Variants in PRORP observed in about 807,000 individuals in gnomAD.
PRORP encodes protein only RNase P catalytic subunit, also known as mitochondrial ribonuclease P catalytic subunit.
A neutral mutation model predicts 59.4 loss-of-function variants in PRORP; 51 were observed. The observed-to-expected ratio is 0.86, with a 90% CI of 0.69 to 1.08. The LOEUF is 1.08. PRORP is among the 50% of genes least tolerant of loss of function. PRORP has a pLI of 0.00. For synonymous variants in PRORP, 231 were observed against 245.6 expected, an observed-to-expected ratio of 0.94 and a Z score of 0.55; for missense variants, 646 against 690.3, an observed-to-expected ratio of 0.94 and a Z score of 0.72.
At chr14:35,234,836 G>A (rs772639448) in intron 5 of PRORP, among the ~76,000 whole-genome samples, 2 of 151,558 alleles carry the variant, frequency 1.3e-5, no homozygotes, top group African/African-American at 2.4e-5. Flanking sequence ...ACACCACCAT[G>A]CCCAACTAAT....
chr14:35,148,505 G>C (rs1425765881), intron 4 of PRORP, among the ~76,000 whole-genome samples: 4 of 152,164 alleles, frequency 2.6e-5, no homozygotes, highest in Non-Finnish European at 4.4e-5. Flanking sequence ...GCCAGGCTTT[G>C]TTCCATTGAT....
chr14:35,233,736 T>C (rs920651174), intron 5 of PRORP, among the ~76,000 whole-genome samples: 2 of 152,170 alleles, frequency 1.3e-5, no homozygotes, highest in African/African-American at 4.8e-5. Context: ...ACAGAAAAAC[T>C]ATGTTCACAT....
At chr14:35,267,255 T>C (rs2051065007) in intron 6 of PRORP, among the ~76,000 whole-genome samples, 1 of 152,198 alleles carries the variant, frequency 6.6e-6, no homozygotes, top group Non-Finnish European at 1.5e-5. Flanking sequence ...ACAAAGTCCC[T>C]GCCCTCTTAG....
chr14:35,211,964 C>A (rs976456890), intron 5 of PRORP, among the ~76,000 whole-genome samples: 1 of 152,216 alleles, frequency 6.6e-6, no homozygotes, highest in Non-Finnish European at 1.5e-5. Flanking sequence ...CTTTCACTTG[C>A]TGTATCAACT....
intron 4 of PRORP, among the ~76,000 whole-genome samples, chr14:35,144,832 TTTTC>T (rs1303155639): frequency 1.4e-5 from 2 of 146,046 alleles, no homozygotes; most frequent in African/African-American, 2.4e-5. Flanking sequence ...TTAGATATGA[TTTTC>T]TTTTTCTTTC....
chr14:35,223,030 G>A lies in PRORP; in HGVS notation c.1275+42253G>A, dbSNP rs79125639. 8.9e-3 allele frequency among the ~76,000 whole-genome samples: 1,354 copies of A among 152,204 alleles called. 18 individuals carry two copies. The highest frequency in any genetic ancestry group is 0.029 in the African/African-American group (1,193 of 41,504). ...TTGAAATTTACTCTCTTAGGGTCAA[G>A]GTTCCAGGCTTCCTTTGCTATTACA... On this transcript the variant is annotated intron_variant, in intron 5 of 7. Coordinates refer to ENST00000534898, the MANE Select transcript of PRORP (RefSeq NM_014672.4).
At chr14:35,169,630 A>T (rs1039955263) in intron 4 of PRORP, among the ~76,000 whole-genome samples, 5 of 152,206 alleles carry the variant, frequency 3.3e-5, no homozygotes, top group Non-Finnish European at 5.9e-5. Context: ...TTCACTCACT[A>T]TCACGAGAAC....
Position 35,140,003 on chromosome 14 carries a change from T to A in PRORP, c.1167+12392T>A, listed in dbSNP as rs2047448916. On this transcript the variant is annotated intron_variant, in intron 4 of 7. Transcript: ENST00000534898. ...GTGTGTATCTCTGTGTGCCATCTCT[T>A]CCTCTTATAAGGCTACAAGTTATGG... Among the ~76,000 whole-genome samples the A allele has an allele frequency of 1.4e-5, 2 of 145,628 alleles. 1 individual carries two copies. The highest frequency in any genetic ancestry group is 3.1e-5 in the Non-Finnish European group (2 of 65,506).
chr14:35,141,488 G>A (rs770110584), intron 4 of PRORP, among the ~76,000 whole-genome samples: 12 of 144,450 alleles, frequency 8.3e-5, no homozygotes, highest in African/African-American at 2.4e-4. Flanking sequence ...GGCTGGTCTT[G>A]AACTCCTGGC....
chr14:35,231,608 A>T (rs1471648547), intron 5 of PRORP, among the ~76,000 whole-genome samples: 1 of 152,234 alleles, frequency 6.6e-6, no homozygotes, highest in Non-Finnish European at 1.5e-5. Flanking sequence ...GAGCAAATTA[A>T]CATATTTCCT....
intron 5 of PRORP, among the ~76,000 whole-genome samples, chr14:35,193,472 A>T (rs2048934258): frequency 6.6e-6 from 1 of 152,150 alleles, no homozygotes; most frequent in East Asian, 1.9e-4. Context: ...TCATTTGGTA[A>T]AGTGTTTACT....
intron 5 of PRORP, among the ~76,000 whole-genome samples, chr14:35,224,709 A>C (rs981076735): frequency 6.6e-6 from 1 of 152,220 alleles, no homozygotes; most frequent in East Asian, 1.9e-4. Flanking sequence ...CTAATTAAGG[A>C]CTTTGTCAGA....
At chr14:35,238,362 T>C (rs1251992062) in intron 5 of PRORP, among the ~76,000 whole-genome samples, 1 of 152,166 alleles carries the variant, frequency 6.6e-6, no homozygotes, top group Non-Finnish European at 1.5e-5. Flanking sequence ...TGTTTACACC[T>C]GTAGGTTTGG....
chr14:35,155,195 A>G (rs2047882983), intron 4 of PRORP, among the ~76,000 whole-genome samples: 1 of 152,100 alleles, frequency 6.6e-6, no homozygotes, highest in South Asian at 2.1e-4. Flanking sequence ...GCCTGACCCA[A>G]ACTCTTTAGA....
At chr14:35,245,738 G>A (rs377377050) in intron 5 of PRORP, among the ~76,000 whole-genome samples, 1 of 152,112 alleles carries the variant, frequency 6.6e-6, no homozygotes, top group Non-Finnish European at 1.5e-5. Context: ...TGGATTAATT[G>A]CCCTCTGTAT....
intron 4 of PRORP, among the ~76,000 whole-genome samples, chr14:35,162,970 C>T (rs190791851): frequency 5.1e-4 from 78 of 152,132 alleles, no homozygotes; most frequent in African/African-American, 1.7e-3. Context: ...TCTTTTTGGA[C>T]TTTCTGTTCT....
chr14:35,184,485 A>G (rs1169951146), intron 5 of PRORP, among the ~76,000 whole-genome samples: 1 of 152,188 alleles, frequency 6.6e-6, no homozygotes, highest in Non-Finnish European at 1.5e-5. Context: ...AGCTCCACAC[A>G]CTGTTACACT....
In PRORP at chr14:35,122,962, T is replaced by A; in HGVS notation, c.-284T>A. On this transcript the variant is annotated 5_prime_UTR_variant, in exon 2 of 8. Coordinates refer to ENST00000534898, the MANE Select transcript of PRORP (RefSeq NM_014672.4). ...GTGCTTTTTCCTCAGGTTCATGAAC[T>A]GGAATGTAAGAGGCACCAGAGGATT... 2.7e-6 allele frequency: 1 copy of A among 367,030 alleles called. No homozygotes were observed. The highest frequency in any genetic ancestry group is 3.9e-5 in the South Asian group (1 of 25,382). The allele number at this position is 367,030 out of a possible 1,614,324, so 22.7% of individuals were successfully genotyped here.
intron 5 of PRORP, among the ~76,000 whole-genome samples, chr14:35,259,766 G>T (rs1311830137): frequency 6.6e-6 from 1 of 152,042 alleles, no homozygotes; most frequent in Non-Finnish European, 1.5e-5. Context: ...ATGGTGCCGT[G>T]CACCTGTAAT....
Sources: allele counts gnomAD v4.1 joint callset (sites outside exome capture counted in the v4.1 genomes callset), GRCh38; gene constraint gnomAD v4.1.1; transcripts MANE v1.5; gene names NCBI Gene and HGNC (gene_info 2026-07-23, HGNC 2026-07-21).